HDDC2: variants seen among roughly 807,000 people sequenced by gnomAD.
HDDC2 encodes 5'-deoxynucleotidase HDDC2.
A neutral mutation model predicts 25.5 loss-of-function variants in HDDC2; 25 were observed. That is an observed-to-expected ratio of 0.98 (90% confidence interval 0.72 to 1.37). The LOEUF is 1.37. HDDC2 is among the 40% of genes most tolerant of loss of function. The probability of loss-of-function intolerance (pLI) is 0.00; values close to 1 mark genes in which losing one functional copy is unlikely to be tolerated. For synonymous variants in HDDC2, 106 were observed against 89.7 expected (o/e 1.18, Z -1.03); for missense variants, 264 against 253.1 (o/e 1.04, Z -0.29).
intron 4 of HDDC2, among the ~76,000 whole-genome samples, chr6:125,286,922 T>C (rs1798546099): frequency 6.6e-6 from 1 of 152,218 alleles, no homozygotes; most frequent in South Asian, 2.1e-4. Context: ...TTAAGGGATA[T>C]AAGCGTGAAG....
chr6:125,295,245 C>CT (rs1423726574), intron 3 of HDDC2, among the ~76,000 whole-genome samples: 1 of 152,186 alleles, frequency 6.6e-6, no homozygotes, highest in Non-Finnish European at 1.5e-5. Context: ...GCCTCTTCCT[C>CT]TGTTAGCAAA....
intron 4 of HDDC2, 190 bp from the exon 5 acceptor site, chr6:125,277,430 T>A: frequency 1.9e-6 from 1 of 535,246 alleles, no homozygotes; most frequent in Non-Finnish European, 3.3e-6. Flanking sequence ...CAGGACTCTA[T>A]ACAAGAAAGA....
In HDDC2 at chr6:125,276,068, A is replaced by C. The variant is rs1472794631; in HGVS notation, c.*78T>G. 6 of 1,079,698 alleles carry C rather than the reference A, an allele frequency of 5.6e-6. No homozygotes were observed. The South Asian group carries it at 7.7e-5, about 14-fold the overall frequency. The allele number at this position is 1,079,698 out of a possible 1,614,324, so 66.9% of individuals were successfully genotyped here. A position where few individuals can be genotyped will look rare whatever the true frequency, so the allele number is the denominator to read the frequency against. On this transcript the variant is annotated 3_prime_UTR_variant, in exon 6 of 6. Transcript: ENST00000398153. ...GACTCACATCTAGGGAAATCAACAG[A>C]CCAACAATGGCAAAACACAATACAA...
chr6:125,301,718 T>G, intron 1 of HDDC2, 131 bp downstream of exon 1: 1 of 643,280 alleles, frequency 1.6e-6, no homozygotes, highest in Non-Finnish European at 2.5e-6. Context: ...ACTGGGGCCT[T>G]TCCGGAATTC....
chr6:125,282,032 T>TG (rs532763832), intron 4 of HDDC2, among the ~76,000 whole-genome samples: 2 of 151,322 alleles, frequency 1.3e-5, no homozygotes, highest in Non-Finnish European at 2.9e-5. Flanking sequence ...CAGAAGAGAG[T>TG]GGGGGCCAAT....
intron 4 of HDDC2, among the ~76,000 whole-genome samples, chr6:125,287,258 T>C (rs1300964283): frequency 1.3e-5 from 2 of 152,166 alleles, no homozygotes; most frequent in Non-Finnish European, 2.9e-5. Flanking sequence ...TAGAAATGAA[T>C]AGTTAAGTGA....
Position 125,276,095 on chromosome 6 carries a change from G to A in HDDC2, c.*51C>T, listed in dbSNP as rs14750. The A allele has an allele frequency of 7.6e-7, 1 of 1,308,660 alleles. No individual in the cohort carries two copies. The highest frequency in any genetic ancestry group is 1.1e-6 in the Non-Finnish European group (1 of 906,874). 81.1% of individuals were successfully genotyped at this position (1,308,660 alleles called of 1,614,324 possible). A position where few individuals can be genotyped will look rare whatever the true frequency, so the allele number is the denominator to read the frequency against. On this transcript the variant is annotated 3_prime_UTR_variant, in exon 6 of 6. Coordinates refer to ENST00000398153, the MANE Select transcript of HDDC2 (RefSeq NM_016063.3). ...CAACAATGGCAAAACACAATACAAT[G>A]AAATGGAAAAATAATGTTTGTTACA...
At chr6:125,276,330 G>A in intron 5 of HDDC2, 87 bp from the exon 6 acceptor site, 1 of 958,688 alleles carries the variant, frequency 1.0e-6, no homozygotes, top group Non-Finnish European at 1.7e-6. Flanking sequence ...AGGGTTCACT[G>A]GGGGCTCTAG....
intron 4 of HDDC2, among the ~76,000 whole-genome samples, chr6:125,288,696 A>G (rs548850494): frequency 6.7e-6 from 1 of 148,852 alleles, no homozygotes; most frequent in East Asian, 2.0e-4. Flanking sequence ...TTCTCAAAAG[A>G]AGACACTTAT....
chr6:125,293,552 A>T (rs1798661627), intron 3 of HDDC2, among the ~76,000 whole-genome samples: 1 of 152,212 alleles, frequency 6.6e-6, no homozygotes, highest in African/African-American at 2.4e-5. Context: ...ATCATGGAAC[A>T]GTTCTATCCT....
At chr6:125,298,604 G>A (rs961015408) in intron 3 of HDDC2, 110 bp downstream of exon 3, 77 of 770,036 alleles carry the variant, frequency 1.0e-4, no homozygotes, top group Non-Finnish European at 1.6e-4. Flanking sequence ...ACACTACTAA[G>A]ACTATCAAGG....
chr6:125,281,616 A>T (rs1798458312), intron 4 of HDDC2, among the ~76,000 whole-genome samples: 1 of 152,190 alleles, frequency 6.6e-6, no homozygotes, highest in Non-Finnish European at 1.5e-5. Flanking sequence ...CCAGAGACTG[A>T]AGATCAATTT....
rs199632604 is a variant in HDDC2 at position 125,300,649 on chromosome 6, C to T, written c.95G>A (p.Arg32Gln). 127 of 1,611,796 alleles carry T rather than the reference C, an allele frequency of 7.9e-5. No individual in the cohort carries two copies. The African/African-American group carries it at 1.6e-3, about 20-fold the overall frequency. ...RLVGQLKRVP[R>Q]TGWVYRNVQR... is the part of the protein sequence containing the mutation. ...GACATTTCTGTATACCCAGCCAGTT[C>T]GTGGGACTCTCTGATAAATATGAAG... The change falls in exon 2 of 6, where the codon CGA becomes CAA. Residue 32 changes from arginine (R) to glutamine (Q), a missense_variant. Transcript: ENST00000398153.
At chr6:125,276,392 T>TG in intron 5 of HDDC2, 149 bp from the exon 6 acceptor site, 1 of 640,040 alleles carries the variant, frequency 1.6e-6, no homozygotes, top group South Asian at 1.9e-5. Flanking sequence ...TTCCAGGTCC[T>TG]GGGAAGGGGC....
At chr6:125,277,656 G>C (rs1798391066) in intron 4 of HDDC2, 1 of 156,466 alleles carries the variant, frequency 6.4e-6, no homozygotes, top group African/African-American at 2.4e-5. Context: ...TTTCATGTCA[G>C]GTTTCCTTGT....
intron 2 of HDDC2, among the ~76,000 whole-genome samples, chr6:125,300,013 C>A (rs531079092): frequency 1.3e-5 from 2 of 152,318 alleles, no homozygotes; most frequent in South Asian, 2.1e-4. Context: ...TCACTTCTTA[C>A]AGAAGCTATT....
chr6:125,289,954 T>G (rs1488001509), intron 4 of HDDC2, among the ~76,000 whole-genome samples: 1 of 152,224 alleles, frequency 6.6e-6, no homozygotes, highest in African/African-American at 2.4e-5. Flanking sequence ...ATAAAAATGT[T>G]TTTTCTTGGC....
intron 3 of HDDC2, among the ~76,000 whole-genome samples, chr6:125,295,563 C>T (rs1381296436): frequency 6.6e-6 from 1 of 152,124 alleles, no homozygotes; most frequent in Non-Finnish European, 1.5e-5. Flanking sequence ...ACAGTTAATA[C>T]ACATATAAAG....
chr6:125,301,482 G>GCACACACACA (rs3839545), intron 1 of HDDC2, among the ~76,000 whole-genome samples: 7 of 120,344 alleles, frequency 5.8e-5, no homozygotes, highest in South Asian at 4.9e-4. Flanking sequence ...GGGGTCGTGA[G>GCACACACACA]CACACACACA....
Sources: gnomAD v4.1 joint callset for allele counts (sites outside exome capture counted in the v4.1 genomes callset) on GRCh38, gnomAD v4.1.1 for gene constraint, MANE v1.5 for transcripts, NCBI Gene and HGNC (gene_info 2026-07-23, HGNC 2026-07-21) for gene names.